The following NRXN1 variants were observed in gnomAD, a reference collection of about 807,000 sequenced individuals.
NRXN1 encodes the protein neurexin 1.
Under a neutral mutation model 150.9 loss-of-function variants are expected in NRXN1, and 39 were observed. That is an observed-to-expected ratio of 0.26 (90% CI 0.20 to 0.34). The LOEUF (loss-of-function observed/expected upper bound fraction) is 0.34. NRXN1 is among the 10% of genes least tolerant of loss of function. The pLI, the probability that NRXN1 is intolerant of heterozygous loss-of-function variation, is 1.00. For missense variants in NRXN1, 1,815 were observed against 1,949.9 expected (o/e 0.93, Z 1.30); for synonymous variants, 924 against 757.0 (o/e 1.22, Z -3.62).
At chr2:50,952,160 G>T (rs1691489232) in intron 2 of NRXN1, among the ~76,000 whole-genome samples, 1 of 150,758 alleles carries the variant, frequency 6.6e-6, no homozygotes, top group South Asian at 2.1e-4. Context: ...TAGAGACGGG[G>T]TTTCACCGTT....
intron 12 of NRXN1, among the ~76,000 whole-genome samples, chr2:50,513,111 C>A (rs991763680): frequency 6.6e-6 from 1 of 152,044 alleles, no homozygotes; most frequent in Non-Finnish European, 1.5e-5. Context: ...ATAATGCCTA[C>A]CTTATTTCAT....
intron 2 of NRXN1, among the ~76,000 whole-genome samples, chr2:50,930,682 C>T (rs1382556519): frequency 6.6e-6 from 1 of 152,122 alleles, no homozygotes; most frequent in Non-Finnish European, 1.5e-5. Flanking sequence ...TAGGAAGGAA[C>T]ACTGAATTTA....
intron 5 of NRXN1, among the ~76,000 whole-genome samples, chr2:50,775,201 T>G (rs558384937): frequency 1.3e-5 from 2 of 152,286 alleles, no homozygotes; most frequent in African/African-American, 4.8e-5. Flanking sequence ...CAAATAATAC[T>G]GTCTATCAGT....
At chr2:50,479,039 C>T (rs2090226843) in intron 15 of NRXN1, among the ~76,000 whole-genome samples, 1 of 152,172 alleles carries the variant, frequency 6.6e-6, no homozygotes, top group Non-Finnish European at 1.5e-5. Flanking sequence ...CCACTGTGTT[C>T]TGATATCTTC....
intron 17 of NRXN1, among the ~76,000 whole-genome samples, chr2:50,337,926 C>T (rs943672059): frequency 6.6e-6 from 1 of 152,132 alleles, no homozygotes; most frequent in Non-Finnish European, 1.5e-5. Context: ...ATATCAATAC[C>T]TTGTGTATTA....
In NRXN1 at chr2:50,171,278, T is replaced by TTA. The variant is rs143884104; in HGVS notation, c.3546+65509_3546+65510dup. On this transcript the variant is annotated intron_variant, in intron 18 of 22. Coordinates refer to ENST00000401669, the MANE Select transcript of NRXN1 (RefSeq NM_001330078.2). ...GTTTGTGTGTGTAAGAGAGAGCATT[T>TTA]TATATATATATATATTTGCAATTGA... Among the ~76,000 whole-genome samples, 29 of 150,928 alleles carry TTA rather than the reference T, an allele frequency of 1.9e-4. No homozygotes were observed. In the South Asian group the frequency reaches 2.3e-3, roughly 12 times the overall value.
intron 17 of NRXN1, among the ~76,000 whole-genome samples, chr2:50,401,894 C>T (rs575759130): frequency 1.3e-5 from 2 of 152,228 alleles, no homozygotes; most frequent in East Asian, 1.9e-4. Flanking sequence ...AGCCTTTTCA[C>T]TTCCTGGAAG....
At chr2:49,935,635 A>C (rs1273430102) in intron 22 of NRXN1, among the ~76,000 whole-genome samples, 1 of 152,214 alleles carries the variant, frequency 6.6e-6, no homozygotes, top group African/African-American at 2.4e-5. Context: ...TGTGCCAACA[A>C]TGAAAGCATA....
chr2:50,543,839 A>G (rs962088875), intron 9 of NRXN1, among the ~76,000 whole-genome samples: 4 of 152,164 alleles, frequency 2.6e-5, no homozygotes, highest in Admixed American at 6.5e-5. Flanking sequence ...CAAGAGTTAA[A>G]TTACTTCACA....
intron 17 of NRXN1, among the ~76,000 whole-genome samples, chr2:50,303,839 A>G (rs1457899012): frequency 6.6e-6 from 1 of 152,138 alleles, no homozygotes; most frequent in African/African-American, 2.4e-5. Context: ...ATAGTTCAGC[A>G]TAATTAATAA....
At chr2:50,664,168 A>T (rs1384863888) in intron 5 of NRXN1, among the ~76,000 whole-genome samples, 1 of 151,964 alleles carries the variant, frequency 6.6e-6, no homozygotes, top group Non-Finnish European at 1.5e-5. Flanking sequence ...TGCTAAAAGG[A>T]ATATTAAAAT....
intron 19 of NRXN1, among the ~76,000 whole-genome samples, chr2:50,068,839 T>C (rs1695771872): frequency 6.6e-6 from 1 of 152,212 alleles, no homozygotes; most frequent in Admixed American, 6.5e-5. Context: ...AAATCTATTA[T>C]CTTTCCCAGA....
intron 17 of NRXN1, among the ~76,000 whole-genome samples, chr2:50,369,481 T>C (rs1212721299): frequency 2.0e-5 from 3 of 151,986 alleles, no homozygotes; most frequent in Non-Finnish European, 4.4e-5. Flanking sequence ...ACAAATCCTA[T>C]ATTTCCAAAT....
chr2:50,782,849 A>G (rs1160009359), intron 5 of NRXN1, among the ~76,000 whole-genome samples: 1 of 152,200 alleles, frequency 6.6e-6, no homozygotes, highest in African/African-American at 2.4e-5. Flanking sequence ...AAGGTGGTGA[A>G]CAAAGAGAGA....
chr2:50,917,459 T>C (rs760908717), intron 5 of NRXN1: 7 of 151,626 alleles, frequency 4.6e-5, no homozygotes, highest in African/African-American at 9.7e-5. Context: ...GACTTGAAAA[T>C]GGTATAAAAA....
intron 10 of NRXN1, among the ~76,000 whole-genome samples, chr2:50,534,316 CTATT>C (rs1484473205): frequency 5.3e-5 from 8 of 152,088 alleles, no homozygotes; most frequent in Non-Finnish European, 1.2e-4. Flanking sequence ...AGGGAAGTGT[CTATT>C]TATCAAAACA....
intron 5 of NRXN1, among the ~76,000 whole-genome samples, chr2:50,824,677 C>T (rs1392805205): frequency 1.3e-5 from 2 of 152,024 alleles, no homozygotes; most frequent in African/African-American, 4.8e-5. Context: ...TAGATAATCC[C>T]CCTCTGAAAA....
chr2:50,837,061 A>G (rs182869174), intron 5 of NRXN1, among the ~76,000 whole-genome samples: 7 of 152,224 alleles, frequency 4.6e-5, no homozygotes, highest in Admixed American at 3.3e-4. Flanking sequence ...TCTCAGTTAG[A>G]CTTTGCTCTT....
At chr2:50,744,692 C>A (rs1234590692) in intron 5 of NRXN1, among the ~76,000 whole-genome samples, 1 of 152,000 alleles carries the variant, frequency 6.6e-6, no homozygotes, top group Non-Finnish European at 1.5e-5. Context: ...GAGATATTAC[C>A]TGTTTAATTA....
Sources: gnomAD v4.1 joint callset for allele counts (sites outside exome capture counted in the v4.1 genomes callset) on GRCh38, gnomAD v4.1.1 for gene constraint, MANE v1.5 for transcripts, NCBI Gene and HGNC (gene_info 2026-07-23, HGNC 2026-07-21) for gene names.